SYNPO2: variants seen among roughly 807,000 people sequenced by gnomAD.
The protein encoded by SYNPO2 is synaptopodin 2.
Under a neutral mutation model 85.0 loss-of-function variants are expected in SYNPO2, and 56 were observed. The observed-to-expected ratio is 0.66, with a 90% CI of 0.53 to 0.82. The LOEUF is 0.82. SYNPO2 is among the 40% of genes least tolerant of loss of function. SYNPO2 has a pLI of 0.00. For missense variants in SYNPO2, 1,575 were observed against 1,534.2 expected, an observed-to-expected ratio of 1.03 and a Z score of -0.44; for synonymous variants, 602 against 591.1, an observed-to-expected ratio of 1.02 and a Z score of -0.27.
chr4:119,027,365 C>T lies in SYNPO2; in HGVS notation c.996C>T (p.Gly332=). 1 of 1,613,846 alleles carries T rather than the reference C, an allele frequency of 6.2e-7. No individual in the cohort carries two copies. The highest frequency in any genetic ancestry group is 8.5e-7 in the Non-Finnish European group (1 of 1,180,012). The change falls in exon 3 of 5, where the codon GGC becomes GGT. Residue 332 remains glycine (G), a synonymous_variant. Transcript: ENST00000307142. ...TATCCTTTGCCGTCTCATCAGAAGG[C>T]ACAGAGCAGGGAGAAGATCCACGCT... ...SLVSFAVSSE[G]TEQGEDPRSE... is the part of the protein sequence containing the mutation.
chr4:118,867,773 CACTATTCTT>C (rs1198292752), intron 1 of SYNPO2, among the ~76,000 whole-genome samples: 2 of 151,864 alleles, frequency 1.3e-5, no homozygotes, highest in Non-Finnish European at 2.9e-5. Context: ...TTCAAATGAA[CACTATTCTT>C]AGTAGAAAGC....
chr4:118,965,415 C>T (rs1394694081), intron 1 of SYNPO2, among the ~76,000 whole-genome samples: 1 of 152,134 alleles, frequency 6.6e-6, no homozygotes, highest in African/African-American at 2.4e-5. Flanking sequence ...TACCCTCCTT[C>T]AAGCTCCAGC....
chr4:118,876,833 T>G (rs1441865991), intron 1 of SYNPO2, among the ~76,000 whole-genome samples: 1 of 151,434 alleles, frequency 6.6e-6, no homozygotes, highest in Non-Finnish European at 1.5e-5. Flanking sequence ...CTTGTTCTGT[T>G]GCACTGGAGT....
chr4:118,949,825 C>A (rs1420334173), intron 1 of SYNPO2, among the ~76,000 whole-genome samples: 1 of 152,062 alleles, frequency 6.6e-6, no homozygotes, highest in South Asian at 2.1e-4. Flanking sequence ...TCTACACATG[C>A]TATCAAGTCG....
At chr4:118,950,912 G>C (rs1435375083) in intron 1 of SYNPO2, among the ~76,000 whole-genome samples, 2 of 152,142 alleles carry the variant, frequency 1.3e-5, no homozygotes, top group African/African-American at 4.8e-5. Flanking sequence ...AATATAACTG[G>C]GTGCAATGAA....
At chr4:119,006,439 C>G (rs945240518) in intron 1 of SYNPO2, 7 of 152,070 alleles carry the variant, frequency 4.6e-5, no homozygotes, top group African/African-American at 1.7e-4. Context: ...CTCATGGAAG[C>G]CTTGGGGATT....
At chr4:119,000,706 C>T (rs1736792024) in intron 1 of SYNPO2, among the ~76,000 whole-genome samples, 2 of 152,132 alleles carry the variant, frequency 1.3e-5, no homozygotes, top group African/African-American at 4.8e-5. Context: ...GGCTGGATTC[C>T]AGGAGAAAGG....
intron 1 of SYNPO2, among the ~76,000 whole-genome samples, chr4:118,953,552 C>T (rs1734767892): frequency 6.6e-6 from 1 of 150,636 alleles, no homozygotes; most frequent in Non-Finnish European, 1.5e-5. Flanking sequence ...CAACTTCAGC[C>T]AAGAAAAGGA....
intron 1 of SYNPO2, among the ~76,000 whole-genome samples, chr4:118,978,077 C>T (rs1578607815): frequency 6.6e-6 from 1 of 152,156 alleles, no homozygotes; most frequent in Non-Finnish European, 1.5e-5. Context: ...TGGGAATTTT[C>T]TAAGATCTTT....
intron 1 of SYNPO2, among the ~76,000 whole-genome samples, chr4:118,862,964 C>T (rs1731636251): frequency 6.6e-6 from 1 of 152,118 alleles, no homozygotes; most frequent in South Asian, 2.1e-4. Flanking sequence ...GCTCCCGCCA[C>T]CTCACCTGGC....
At chr4:118,992,056 A>G (rs1360520306) in intron 1 of SYNPO2, among the ~76,000 whole-genome samples, 1 of 152,174 alleles carries the variant, frequency 6.6e-6, no homozygotes, top group African/African-American at 2.4e-5. Flanking sequence ...TTGTGGCCTC[A>G]CTTTAGCCTG....
chr4:118,911,819 C>T (rs939283460), intron 1 of SYNPO2, among the ~76,000 whole-genome samples: 2 of 152,050 alleles, frequency 1.3e-5, no homozygotes, highest in Non-Finnish European at 2.9e-5. Context: ...TTCAGCAACT[C>T]CCCCCCTCCA....
rs183341397 is a variant in SYNPO2, at chr4:118,872,653, C to T, written c.12+21713C>T. On this transcript the variant is annotated intron_variant, in intron 1 of 4. Transcript: ENST00000610556. The stretch of plus-strand genomic sequence containing the variant: ...TTACTCCTCTTGCTTTCTGAGGACA[C>T]CCTACTATGTATCTGAGTAGCTTTC... Among the ~76,000 whole-genome samples, 105 of 152,222 alleles carry T rather than the reference C, an allele frequency of 6.9e-4. 1 individual carries two copies. In the Middle Eastern group the frequency reaches 0.017, roughly 25 times the overall value.
intron 1 of SYNPO2, among the ~76,000 whole-genome samples, chr4:118,893,581 G>T (rs1204566045): frequency 6.6e-6 from 1 of 152,102 alleles, no homozygotes; most frequent in Non-Finnish European, 1.5e-5. Flanking sequence ...GTGCCCGAGA[G>T]GATAAAAGTA....
At chr4:118,893,084 C>T (rs1015254643) in intron 1 of SYNPO2, among the ~76,000 whole-genome samples, 2 of 152,058 alleles carry the variant, frequency 1.3e-5, no homozygotes, top group South Asian at 2.1e-4. Context: ...AATGCTCCTT[C>T]CTATATATGA....
At chr4:118,992,623 C>T (rs1357542243) in intron 1 of SYNPO2, among the ~76,000 whole-genome samples, 1 of 152,218 alleles carries the variant, frequency 6.6e-6, no homozygotes, top group Non-Finnish European at 1.5e-5. Flanking sequence ...CCTTGGTTCA[C>T]ACCATAGGAC....
At chr4:118,904,199 A>G (rs1314574285) in intron 1 of SYNPO2, among the ~76,000 whole-genome samples, 1 of 152,170 alleles carries the variant, frequency 6.6e-6, no homozygotes, top group Non-Finnish European at 1.5e-5. Flanking sequence ...TAGAAATTAT[A>G]CATTCAAATC....
chr4:119,051,027 ATT>A (rs1695725498), intron 4 of SYNPO2, among the ~76,000 whole-genome samples: 1 of 152,150 alleles, frequency 6.6e-6, no homozygotes. Context: ...CATAGATATT[ATT>A]TCTCCTTAGT....
At chr4:118,888,084 A>T (rs1427629594), upstream of SYNPO2, among the ~76,000 whole-genome samples, 1 of 152,228 alleles carries the variant, frequency 6.6e-6, no homozygotes, top group Non-Finnish European at 1.5e-5. Flanking sequence ...AAACTATAAA[A>T]ATAAGAAACC....
Sources: gnomAD v4.1 joint callset for allele counts (sites outside exome capture counted in the v4.1 genomes callset) on GRCh38, gnomAD v4.1.1 for gene constraint, MANE v1.5 for transcripts, NCBI Gene and HGNC (gene_info 2026-07-23, HGNC 2026-07-21) for gene names.